Variants in CDC37L1 observed in about 807,000 individuals in gnomAD.
CDC37L1 encodes the protein hsp90 co-chaperone Cdc37-like 1.
A neutral mutation model predicts 45.9 loss-of-function variants in CDC37L1; 32 were observed. The ratio of observed to expected loss-of-function variants is 0.70; its 90% CI spans 0.53 to 0.94. CDC37L1 has a LOEUF of 0.94. CDC37L1 is among the 40% of genes least tolerant of loss of function. The probability of loss-of-function intolerance (pLI) is 0.00; values close to 1 mark genes in which losing one functional copy is unlikely to be tolerated. For synonymous variants in CDC37L1, 150 were observed against 133.0 expected (o/e 1.13, Z -0.88); for missense variants, 434 against 405.7 (o/e 1.07, Z -0.60).
chr9:4,693,006 TG>T (rs1841315397), intron 3 of CDC37L1, among the ~76,000 whole-genome samples: 1 of 152,154 alleles, frequency 6.6e-6, no homozygotes, highest in South Asian at 2.1e-4. Context: ...ATGCATATGG[TG>T]GTAGACGATT....
intron 5 of CDC37L1, among the ~76,000 whole-genome samples, chr9:4,700,698 C>T (rs1841388718): frequency 6.6e-6 from 1 of 151,864 alleles, no homozygotes; most frequent in Non-Finnish European, 1.5e-5. Context: ...TTACTTTGTT[C>T]CAGGGACTAT....
At chr9:4,693,297 G>T (rs1041295391) in intron 3 of CDC37L1, among the ~76,000 whole-genome samples, 1 of 149,840 alleles carries the variant, frequency 6.7e-6, no homozygotes. Context: ...AAAAAAATTC[G>T]TCAGGTGTGG....
intron 1 of CDC37L1, among the ~76,000 whole-genome samples, chr9:4,683,768 C>G (rs1459733755): frequency 6.6e-6 from 1 of 152,094 alleles, no homozygotes; most frequent in Non-Finnish European, 1.5e-5. Flanking sequence ...AATAGTGATG[C>G]AGATATGGGA....
chr9:4,681,876 C>G (rs931452416), intron 1 of CDC37L1, among the ~76,000 whole-genome samples: 4 of 152,192 alleles, frequency 2.6e-5, no homozygotes, highest in African/African-American at 9.6e-5. Context: ...TTCTTAGATC[C>G]AATTAATGTA....
intron 6 of CDC37L1, chr9:4,703,255 T>G: frequency 1.8e-6 from 1 of 569,548 alleles, no homozygotes; most frequent in Non-Finnish European, 2.7e-6. Flanking sequence ...CACTGTAATT[T>G]CACCATTCCA....
chr9:4,702,717 T>TA (rs76792682), intron 6 of CDC37L1, among the ~76,000 whole-genome samples: 761 of 141,886 alleles, frequency 5.4e-3, no homozygotes, highest in African/African-American at 7.9e-3. Flanking sequence ...CCGTCTCTTC[T>TA]AAAAAAAAAA....
rs1379772099 is a variant in CDC37L1, at chr9:4,706,781, C to G, written c.*669C>G. On this transcript the variant is annotated 3_prime_UTR_variant, in exon 7 of 7. Transcript: ENST00000381854. ...TTAGAATTTGATTTTACCCTGCTGA[C>G]TTTAAGAGTTATAATAATATCAAAT... The G allele has an allele frequency of 6.6e-6, 1 of 152,144 alleles. No homozygotes were observed. The highest frequency in any genetic ancestry group is 1.9e-4 in the East Asian group (1 of 5,198). 9.4% of individuals were successfully genotyped at this position (152,144 alleles called of 1,614,324 possible). A position where few individuals can be genotyped will look rare whatever the true frequency, so the allele number is the denominator to read the frequency against.
chr9:4,684,424 G>A (rs1172222634), intron 1 of CDC37L1, among the ~76,000 whole-genome samples: 1 of 152,108 alleles, frequency 6.6e-6, no homozygotes, highest in Non-Finnish European at 1.5e-5. Flanking sequence ...ATAGAAAATA[G>A]AAACCAAGAA....
intron 3 of CDC37L1, among the ~76,000 whole-genome samples, chr9:4,692,120 C>T (rs565811349): frequency 2.1e-3 from 323 of 152,060 alleles, no homozygotes; most frequent in Non-Finnish European, 4.0e-3. Context: ...GAAGTTTTTT[C>T]GTTTGTTCTG....
In CDC37L1 at chr9:4,690,334, C is replaced by T. The variant is rs186319836; in HGVS notation, c.508+1728C>T. 2.6e-5 allele frequency among the ~76,000 whole-genome samples: 4 copies of T among 152,226 alleles called. No homozygotes were observed. In the East Asian group the frequency reaches 5.8e-4, roughly 22 times the overall value. ...CTCGTTCAAGTGAGGAATTACCAGT[C>T]CCTCTGAGATGAAGTGGGACCAGGG... On this transcript the variant is annotated intron_variant, in intron 3 of 6. Coordinates refer to ENST00000381854, the MANE Select transcript of CDC37L1 (RefSeq NM_017913.4).
chr9:4,686,258 A>G (rs1207527680), intron 2 of CDC37L1, among the ~76,000 whole-genome samples: 1 of 152,186 alleles, frequency 6.6e-6, no homozygotes, highest in Non-Finnish European at 1.5e-5. Flanking sequence ...TAGTTCTGCT[A>G]CAGCAGTCAG....
intron 1 of CDC37L1, 126 bp from the exon 2 acceptor site, chr9:4,684,751 C>A: frequency 3.2e-6 from 2 of 631,726 alleles, no homozygotes; most frequent in East Asian, 2.8e-5. Context: ...GACTGCAGAC[C>A]TAGAACACAG....
Position 4,685,234 on chromosome 9 carries a change from A to C in CDC37L1, c.414+76A>C. 4 of 1,111,934 alleles carry C rather than the reference A, an allele frequency of 3.6e-6. No individual in the cohort carries two copies. The South Asian group carries it at 5.6e-5, about 16-fold the overall frequency. The allele number at this position is 1,111,934 out of a possible 1,614,324, so 68.9% of individuals were successfully genotyped here. A position where few individuals can be genotyped will look rare whatever the true frequency, so the allele number is the denominator to read the frequency against. ...TACAAACCAGTTGTGCGTATTTGGT[A>C]GCAAAGCAGCAGAATCCCATAAACA... On this transcript the variant is annotated intron_variant, in intron 2 of 6. Coordinates refer to ENST00000381854, the MANE Select transcript of CDC37L1 (RefSeq NM_017913.4).
chr9:4,705,964 T>A (rs762236828), intron 6 of CDC37L1, 47 bp from the exon 7 acceptor site: 2 of 882,042 alleles, frequency 2.3e-6, no homozygotes, highest in Admixed American at 3.5e-5. Flanking sequence ...AAACTGGTTA[T>A]AATGCGTTCT....
intron 2 of CDC37L1, 148 bp downstream of exon 2, chr9:4,685,306 A>T: frequency 1.6e-6 from 1 of 632,006 alleles, no homozygotes; most frequent in Non-Finnish European, 2.7e-6. Flanking sequence ...AAGTTTATGA[A>T]AGTCAAAAAG....
Position 4,707,979 on chromosome 9 carries a change from T to C in CDC37L1, c.*1867T>C, listed in dbSNP as rs1841461377. On this transcript the variant is annotated 3_prime_UTR_variant, in exon 7 of 7. Coordinates refer to ENST00000381854, the MANE Select transcript of CDC37L1 (RefSeq NM_017913.4). ...GAAAGTATCAACAAACTGAGTAAAC[T>C]ATTCTTGAGGGGCACTGAAAAGATG... The C allele has an allele frequency of 2.0e-5, 3 of 152,336 alleles. No homozygotes were observed. In the South Asian group the frequency reaches 6.2e-4, roughly 32 times the overall value. 9.4% of individuals were successfully genotyped at this position (152,336 alleles called of 1,614,324 possible). A position where few individuals can be genotyped will look rare whatever the true frequency, so the allele number is the denominator to read the frequency against.
At chr9:4,679,951 C>T in intron 1 of CDC37L1, 52 bp downstream of exon 1, 1 of 1,601,304 alleles carries the variant, frequency 6.2e-7, no homozygotes, top group Non-Finnish European at 8.5e-7. Context: ...TGTCGCCAAA[C>T]CCCTGGAATG....
intron 2 of CDC37L1, among the ~76,000 whole-genome samples, chr9:4,687,754 C>T (rs115078013): frequency 0.018 from 2,634 of 150,018 alleles, 67 homozygotes; most frequent in African/African-American, 0.059. Flanking sequence ...AAAGAATTTA[C>T]GGTAAATATC....
intron 1 of CDC37L1, among the ~76,000 whole-genome samples, chr9:4,684,354 G>A (rs1250070323): frequency 1.3e-5 from 2 of 152,096 alleles, no homozygotes; most frequent in African/African-American, 4.8e-5. Flanking sequence ...GATATAATCA[G>A]TTATAAATGG....
Sources: gnomAD v4.1 joint callset for allele counts (sites outside exome capture counted in the v4.1 genomes callset) on GRCh38, gnomAD v4.1.1 for gene constraint, MANE v1.5 for transcripts, NCBI Gene and HGNC (gene_info 2026-07-23, HGNC 2026-07-21) for gene names.